The following MYOF variants were observed in gnomAD, a reference collection of about 807,000 sequenced individuals.
MYOF encodes the protein fer-1-like 3, myoferlin.
A neutral mutation model predicts 284.2 loss-of-function variants in MYOF; 244 were observed. That is an observed-to-expected ratio of 0.86 (90% CI 0.77 to 0.95). The LOEUF (loss-of-function observed/expected upper bound fraction) is 0.95, where lower values mean the gene tolerates loss of function less well. Ranked by LOEUF, MYOF falls within the 40% of genes least tolerant of loss-of-function variation. The pLI is 0.00. For synonymous variants in MYOF, 904 were observed against 919.7 expected (o/e 0.98, Z 0.31); for missense variants, 2,496 against 2,560.6 (o/e 0.97, Z 0.54).
At chr10:93,354,874 CA>C (rs1844724864) in intron 31 of MYOF, among the ~76,000 whole-genome samples, 1 of 152,180 alleles carries the variant, frequency 6.6e-6, no homozygotes, top group Non-Finnish European at 1.5e-5. Context: ...ACCTACCTTA[CA>C]GGGTTGTTAA....
intron 1 of MYOF, among the ~76,000 whole-genome samples, chr10:93,460,534 C>T (rs1237829948): frequency 2.6e-5 from 4 of 152,070 alleles, no homozygotes; most frequent in Admixed American, 1.3e-4. Flanking sequence ...GAGGCCAAGG[C>T]GGGTGGACTG....
At chr10:93,429,077 G>A (rs1848724215) in intron 4 of MYOF, among the ~76,000 whole-genome samples, 1 of 152,206 alleles carries the variant, frequency 6.6e-6, no homozygotes, top group South Asian at 2.1e-4. Context: ...GCCCTGGTGG[G>A]AGTTTTTGGG....
intron 10 of MYOF, 74 bp downstream of exon 10, chr10:93,402,786 G>C (rs1847362464): frequency 2.2e-6 from 3 of 1,388,216 alleles, no homozygotes; most frequent in South Asian, 2.6e-5. Context: ...AAATTGTCTT[G>C]ATTCTTAGAA....
Position 93,379,890 on chromosome 10 carries a change from G to A in MYOF, c.1974C>T (p.Asn658=), listed in dbSNP as rs748039984. ...EDISHRLDAV[N]TLLAMAERLQ... ...GCCGTTCTGCCATAGCTAGGAGAGT[G>A]TTCACCGCATCCAGGCGATGACTAA... The change falls in exon 21 of 54, where the codon AAC becomes AAT. Residue 658 remains asparagine (N), a synonymous_variant. Coordinates refer to ENST00000359263, the MANE Select transcript of MYOF (RefSeq NM_013451.4). 6.2e-7 allele frequency: 1 copy of A among 1,614,068 alleles called. No individual in the cohort carries two copies. Among genetic ancestry groups the A allele is most frequent in the African/African-American group, 1.3e-5 (1 of 75,026 alleles).
chr10:93,322,243 G>A (rs1015764558), intron 48 of MYOF, among the ~76,000 whole-genome samples: 1 of 152,090 alleles, frequency 6.6e-6, no homozygotes, highest in East Asian at 1.9e-4. Flanking sequence ...ATTAAATGTC[G>A]CAAGTCTTAT....
chr10:93,359,819 C>A lies in MYOF; in HGVS notation c.3120+14G>T, dbSNP rs41290196. The A allele has an allele frequency of 0.059, 95,630 of 1,613,920 alleles. 3,191 individuals carry two copies. Among genetic ancestry groups the A allele is most frequent in the Middle Eastern group, 0.12 (699 of 5,974 alleles). ...GAGCTCCCCAGTCCAGCTCCCTTCC[C>A]TTGCTTCTCTTACCCTTGCGGTGCT... On this transcript the variant is annotated intron_variant, in intron 29 of 53. Transcript: ENST00000359263.
At chr10:93,423,964 T>G (rs1025822597) in intron 5 of MYOF, among the ~76,000 whole-genome samples, 36 of 151,622 alleles carry the variant, frequency 2.4e-4, no homozygotes, top group Non-Finnish European at 4.1e-4. Flanking sequence ...GAACACCATG[T>G]GACAGCAGAG....
intron 32 of MYOF, among the ~76,000 whole-genome samples, chr10:93,353,481 A>G (rs1046713434): frequency 1.1e-4 from 16 of 152,112 alleles, no homozygotes; most frequent in African/African-American, 3.9e-4. Context: ...TAACTTACCA[A>G]TCAACCTGAG....
chr10:93,448,065 C>T (rs1474689855), intron 3 of MYOF, among the ~76,000 whole-genome samples: 2 of 151,960 alleles, frequency 1.3e-5, no homozygotes, highest in Admixed American at 6.6e-5. Context: ...TTTCTCTGAC[C>T]TCACCTCCTT....
chr10:93,460,268 C>G (rs566974846), intron 1 of MYOF, among the ~76,000 whole-genome samples: 1 of 152,184 alleles, frequency 6.6e-6, no homozygotes, highest in Non-Finnish European at 1.5e-5. Flanking sequence ...ACGGAAGACA[C>G]GCTGCAAGCT....
At chr10:93,403,163 C>T (rs1465874844) in intron 9 of MYOF, among the ~76,000 whole-genome samples, 1 of 152,108 alleles carries the variant, frequency 6.6e-6, no homozygotes, top group Admixed American at 6.6e-5. Flanking sequence ...CCCAGTTTGC[C>T]TGGGTTATCC....
At position 93,403,951 on chromosome 10, in the gene MYOF, T is replaced by C. The variant is rs1847420450; in HGVS notation, c.843+72A>G. 4.1e-5 allele frequency: 63 copies of C among 1,527,176 alleles called. 1 individual carries two copies. The South Asian group carries it at 6.4e-4, about 16-fold the overall frequency. The allele number at this position is 1,527,176 out of a possible 1,614,324, so 94.6% of individuals were successfully genotyped here. ...CCAAGATGCCACCAAGATGCGTACA[T>C]AGGAATCAGATTTCTATTATGAAAG... On this transcript the variant is annotated intron_variant, in intron 9 of 53. Transcript: ENST00000359263.
intron 53 of MYOF, among the ~76,000 whole-genome samples, chr10:93,309,469 T>C (rs1200761147): frequency 6.6e-6 from 1 of 152,104 alleles, no homozygotes; most frequent in Non-Finnish European, 1.5e-5. Flanking sequence ...ATACGTGACA[T>C]GAGCCTTAAA....
At chr10:93,469,503 C>T (rs1200241793) in intron 1 of MYOF, among the ~76,000 whole-genome samples, 1 of 152,196 alleles carries the variant, frequency 6.6e-6, no homozygotes, top group South Asian at 2.1e-4. Flanking sequence ...GTGTCCAACA[C>T]CCTAGGGCAA....
intron 13 of MYOF, among the ~76,000 whole-genome samples, chr10:93,398,182 C>G (rs1240562885): frequency 6.6e-6 from 1 of 152,136 alleles, no homozygotes; most frequent in African/African-American, 2.4e-5. Flanking sequence ...ACCGCAGCCA[C>G]ATGGGCAGGC....
chr10:93,331,668 G>A (rs1468987925), intron 43 of MYOF, among the ~76,000 whole-genome samples: 3 of 148,790 alleles, frequency 2.0e-5, no homozygotes, highest in East Asian at 2.0e-4. Context: ...TCCCTGGCCC[G>A]GGTGCATGGC....
At chr10:93,418,012 C>T (rs1239080713) in intron 5 of MYOF, among the ~76,000 whole-genome samples, 1 of 152,176 alleles carries the variant, frequency 6.6e-6, no homozygotes, top group Non-Finnish European at 1.5e-5. Context: ...GTTGCCCAGG[C>T]TAGTCTCAAG....
intron 51 of MYOF, among the ~76,000 whole-genome samples, chr10:93,312,348 CTTT>C (rs140179021): frequency 0.77 from 115,709 of 151,108 alleles, 44,531 homozygotes; most frequent in East Asian, 0.9. Context: ...TCTTTTTTTT[CTTT>C]TTTATTTTTT....
At position 93,309,617 on chromosome 10, in the gene MYOF, C is replaced by A. The variant is rs11813247; in HGVS notation, c.6147+403G>T. 8.0e-3 allele frequency among the ~76,000 whole-genome samples: 1,214 copies of A among 152,078 alleles called. 17 individuals are homozygous for A. The highest frequency in any genetic ancestry group is 0.028 in the African/African-American group (1,152 of 41,454). On this transcript the variant is annotated intron_variant, in intron 53 of 53. Transcript: ENST00000359263. The stretch of plus-strand genomic sequence containing the variant: ...GGGTGGAACACAAGGTATATGTAGA[C>A]CCACAATGAACCCAGATTTGGGGAT...
Sources: allele counts gnomAD v4.1 joint callset (sites outside exome capture counted in the v4.1 genomes callset), GRCh38; gene constraint gnomAD v4.1.1; transcripts MANE v1.5; gene names NCBI Gene and HGNC (gene_info 2026-07-23, HGNC 2026-07-21).